YAP1: variants seen among roughly 807,000 people sequenced by gnomAD.
The protein encoded by YAP1 is transcriptional coactivator YAP1.
A neutral mutation model predicts 56.9 loss-of-function variants in YAP1; 5 were observed. The observed-to-expected ratio is 0.09, with a 90% CI of 0.05 to 0.18. The LOEUF (loss-of-function observed/expected upper bound fraction) is 0.18. Ranked by LOEUF, YAP1 falls within the 10% of genes least tolerant of loss-of-function variation. The pLI is 1.00. For synonymous variants in YAP1, 265 were observed against 248.1 expected, an observed-to-expected ratio of 1.07 and a Z score of -0.64; for missense variants, 539 against 651.8, an observed-to-expected ratio of 0.83 and a Z score of 1.88.
chr11:102,148,279 G>C (rs967539777), intron 2 of YAP1, among the ~76,000 whole-genome samples: 4 of 152,126 alleles, frequency 2.6e-5, no homozygotes, highest in African/African-American at 7.2e-5. Flanking sequence ...ATAAACACAT[G>C]GTTTCAAGGC....
At chr11:102,227,947 C>T (rs1950274022) in intron 8 of YAP1, among the ~76,000 whole-genome samples, 1 of 151,446 alleles carries the variant, frequency 6.6e-6, no homozygotes, top group Non-Finnish European at 1.5e-5. Context: ...TGGTACATGC[C>T]TGTAGTCCCA....
intron 2 of YAP1, among the ~76,000 whole-genome samples, chr11:102,151,827 C>T (rs968644449): frequency 6.6e-6 from 1 of 152,078 alleles, no homozygotes; most frequent in Non-Finnish European, 1.5e-5. Flanking sequence ...TCTGCCTCTA[C>T]GACCCATTAG....
chr11:102,218,011 A>G (rs1168604687), intron 6 of YAP1, among the ~76,000 whole-genome samples: 4 of 152,152 alleles, frequency 2.6e-5, no homozygotes, highest in Admixed American at 6.6e-5. Flanking sequence ...GAGGATGATT[A>G]TCTTGATTGT....
intron 7 of YAP1, among the ~76,000 whole-genome samples, chr11:102,224,891 T>C (rs996633022): frequency 6.6e-6 from 1 of 152,210 alleles, no homozygotes. Flanking sequence ...TTCATATCCA[T>C]GTAATTCCAG....
intron 3 of YAP1, among the ~76,000 whole-genome samples, chr11:102,183,167 T>C (rs199811366): frequency 7.2e-5 from 11 of 152,196 alleles, no homozygotes; most frequent in Non-Finnish European, 1.5e-4. Flanking sequence ...AAAGGCTGAA[T>C]TAAAGAAGTG....
At chr11:102,172,192 T>C (rs1294862627) in intron 3 of YAP1, among the ~76,000 whole-genome samples, 2 of 58,004 alleles carry the variant, frequency 3.4e-5, no homozygotes, top group African/African-American at 1.2e-4. Context: ...GAACTTCTTC[T>C]CAAAAAAAAA....
intron 3 of YAP1, among the ~76,000 whole-genome samples, chr11:102,181,928 C>G (rs952869929): frequency 2.6e-5 from 4 of 152,196 alleles, no homozygotes; most frequent in Admixed American, 6.5e-5. Context: ...TCAAGTGATT[C>G]TCCTGCCTCA....
chr11:102,226,816 C>G (rs766806332), intron 7 of YAP1, among the ~76,000 whole-genome samples: 1 of 152,118 alleles, frequency 6.6e-6, no homozygotes, highest in Non-Finnish European at 1.5e-5. Context: ...GTGTTTGAGG[C>G]TTTTTCCTCC....
chr11:102,209,683 T>C lies in YAP1; in HGVS notation c.1032+119T>C, dbSNP rs187486437. 8.6e-5 allele frequency: 79 copies of C among 913,640 alleles called. No individual in the cohort carries two copies. In the Admixed American group the frequency reaches 1.8e-3, roughly 21 times the overall value. 56.6% of individuals were successfully genotyped at this position (913,640 alleles called of 1,614,324 possible). A position where few individuals can be genotyped will look rare whatever the true frequency, so the allele number is the denominator to read the frequency against. On this transcript the variant is annotated intron_variant, in intron 6 of 8. Coordinates refer to ENST00000282441, the MANE Select transcript of YAP1 (RefSeq NM_001130145.3). Reference sequence around the variant, plus strand: ...TTGGACATTAGCCCAGAGAATAACTTTGAGCCATCTTTCTACCAAGATACT... The same window carrying C: ...TTGGACATTAGCCCAGAGAATAACTCTGAGCCATCTTTCTACCAAGATACT...
intron 4 of YAP1, among the ~76,000 whole-genome samples, chr11:102,202,439 C>A (rs1648383): frequency 1 from 149,872 of 149,876 alleles, 74,934 homozygotes; most frequent in Middle Eastern, 1. Flanking sequence ...TCGGCCTCCC[C>A]AAGTGCTGGG....
chr11:102,163,267 G>A (rs1591284053), intron 3 of YAP1, among the ~76,000 whole-genome samples: 2 of 152,134 alleles, frequency 1.3e-5, no homozygotes, highest in African/African-American at 4.8e-5. Context: ...TAGAAGGGAA[G>A]ATATGAAAGG....
At chr11:102,145,157 G>A (rs1945258423) in intron 2 of YAP1, among the ~76,000 whole-genome samples, 1 of 152,000 alleles carries the variant, frequency 6.6e-6, no homozygotes, top group African/African-American at 2.4e-5. Flanking sequence ...GTGAGACTGT[G>A]ACCTCTTGAT....
intron 6 of YAP1, among the ~76,000 whole-genome samples, chr11:102,210,784 G>T: frequency 6.6e-6 from 1 of 151,950 alleles, no homozygotes; most frequent in East Asian, 1.9e-4. Context: ...ATGGAGTTTC[G>T]CTCTGTTGCC....
chr11:102,185,003 T>C (rs1451199334), intron 3 of YAP1, among the ~76,000 whole-genome samples: 2 of 152,230 alleles, frequency 1.3e-5, no homozygotes. Context: ...AATGAATTAA[T>C]GTACATAATA....
At chr11:102,202,090 A>G (rs1948890397) in intron 4 of YAP1, among the ~76,000 whole-genome samples, 1 of 152,118 alleles carries the variant, frequency 6.6e-6, no homozygotes. Flanking sequence ...CATCATAAAC[A>G]TATTTTCAAA....
At chr11:102,121,438 C>CAAA (rs58207163) in intron 2 of YAP1, among the ~76,000 whole-genome samples, 92 of 144,518 alleles carry the variant, frequency 6.4e-4, no homozygotes, top group East Asian at 2.2e-3. Context: ...GACCTTGTCT[C>CAAA]AAAAAAAAAA....
Position 102,229,886 on chromosome 11 carries a change from G to A in YAP1, c.1461G>A (p.Glu487=). Residue 487 remains glutamate, a synonymous_variant, in exon 9 of 9, where the codon GAG becomes GAA. Coordinates refer to ENST00000282441, the MANE Select transcript of YAP1 (RefSeq NM_001130145.3). ...ALSSDILNDM[E]SVLAATKLDK... ...GTTCTGACATCCTTAATGACATGGA[G>A]TCTGTTTTGGCTGCCACCAAGCTAG... 6.2e-7 allele frequency: 1 copy of A among 1,614,100 alleles called. No homozygotes were observed. The highest frequency in any genetic ancestry group is 1.3e-5 in the African/African-American group (1 of 75,020).
At position 102,114,165 on chromosome 11, in the gene YAP1, G is replaced by A; in HGVS notation, c.343G>A (p.Ala115Thr). The A allele has an allele frequency of 1.2e-6, 2 of 1,613,920 alleles. No homozygotes were observed. Among genetic ancestry groups the A allele is most frequent in the South Asian group, 1.1e-5 (1 of 91,076 alleles). Residue 115 changes from alanine to threonine, a missense_variant, in exon 2 of 9, where the codon GCA becomes ACA. By Grantham distance (58) the Ala-to-Thr change is moderately conservative. This residue lies in a region of YAP1 where 414 missense variants were observed against 512.4 expected (regional missense o/e 0.81). Coordinates refer to ENST00000282441, the MANE Select transcript of YAP1 (RefSeq NM_001130145.3). ...SRQASTDAGTAGALTPQHVRA... is the reference protein window; with the variant it reads ...SRQASTDAGTTGALTPQHVRA... ...ATAGGCCAGTACTGATGCAGGCACTGCAGGAGCCCTGACTCCACAGCATGT... is the reference window on the plus strand; with the variant it reads ...ATAGGCCAGTACTGATGCAGGCACTACAGGAGCCCTGACTCCACAGCATGT...
intron 4 of YAP1, among the ~76,000 whole-genome samples, chr11:102,202,169 T>A (rs1161110799): frequency 2.7e-5 from 4 of 148,884 alleles, no homozygotes; most frequent in Non-Finnish European, 5.9e-5. Flanking sequence ...ATTATTATTT[T>A]TTTTTTTTGA....
Sources: allele counts gnomAD v4.1 joint callset (sites outside exome capture counted in the v4.1 genomes callset), GRCh38; gene constraint gnomAD v4.1.1; regional missense constraint gnomAD v4.1.1; transcripts MANE v1.5; gene names NCBI Gene and HGNC (gene_info 2026-07-23, HGNC 2026-07-21).